The following NCALD variants were observed in gnomAD, a reference collection of about 807,000 sequenced individuals.
The protein encoded by NCALD is neurocalcin delta.
NCALD carries 10 observed loss-of-function variants against 18.6 expected under a neutral mutation model. That is an observed-to-expected ratio of 0.54 (90% CI 0.33 to 0.91). The LOEUF is 0.91. NCALD is among the 40% of genes least tolerant of loss of function. NCALD has a pLI of 0.03. For synonymous variants in NCALD, 88 were observed against 87.4 expected (o/e 1.01, Z -0.04); for missense variants, 184 against 247.6 (o/e 0.74, Z 1.72).
chr8:101,793,450 G>C (rs1812523681), upstream of NCALD, among the ~76,000 whole-genome samples: 1 of 151,972 alleles, frequency 6.6e-6, no homozygotes, highest in Non-Finnish European at 1.5e-5. Context: ...AAACTGAAGA[G>C]AGAGATTAAG....
intron 2 of NCALD, among the ~76,000 whole-genome samples, chr8:101,927,387 T>G (rs564210364): frequency 6.6e-6 from 1 of 152,260 alleles, no homozygotes; most frequent in Non-Finnish European, 1.5e-5. Context: ...CCTGCACTGT[T>G]GTCAGGGAGC....
intron 2 of NCALD, among the ~76,000 whole-genome samples, chr8:101,700,019 GCTCT>G (rs755955856): frequency 6.6e-4 from 100 of 151,250 alleles, no homozygotes; most frequent in Non-Finnish European, 5.9e-4. Flanking sequence ...AGACTGATAT[GCTCT>G]CTATTTTTAT....
intron 2 of NCALD, among the ~76,000 whole-genome samples, chr8:101,978,501 A>C (rs182124560): frequency 9.2e-5 from 14 of 152,368 alleles, no homozygotes; most frequent in African/African-American, 3.4e-4. Context: ...TGAAGCACTA[A>C]GAAAGTAAGT....
intron 2 of NCALD, among the ~76,000 whole-genome samples, chr8:102,001,705 G>C (rs1339175795): frequency 1.3e-5 from 2 of 152,212 alleles, no homozygotes; most frequent in African/African-American, 4.8e-5. Flanking sequence ...AGCCAGAAGA[G>C]AGTGGGGGTC....
chr8:101,711,542 C>A (rs1815792611), intron 2 of NCALD, among the ~76,000 whole-genome samples: 1 of 151,840 alleles, frequency 6.6e-6, no homozygotes, highest in East Asian at 1.9e-4. Context: ...AGAGGAGTTG[C>A]TAACTAGAAT....
intron 1 of NCALD, among the ~76,000 whole-genome samples, chr8:101,749,708 C>G (rs1810572853): frequency 1.3e-5 from 2 of 152,188 alleles, no homozygotes; most frequent in Non-Finnish European, 1.5e-5. Context: ...ATTCAGGTCA[C>G]TTTTCAAGAG....
chr8:102,097,912 A>G (rs1322379530), intron 1 of NCALD, among the ~76,000 whole-genome samples: 1 of 152,174 alleles, frequency 6.6e-6, no homozygotes, highest in Non-Finnish European at 1.5e-5. Context: ...ACAAATCACA[A>G]CGCAATGCAA....
chr8:101,798,697 G>A (rs2131061907), intron 4 of NCALD, among the ~76,000 whole-genome samples: 1 of 152,246 alleles, frequency 6.6e-6, no homozygotes, highest in South Asian at 2.1e-4. Flanking sequence ...ATAAATAGCT[G>A]AAATAACTTT....
At chr8:101,991,900 A>T (rs1457707131) in intron 2 of NCALD, among the ~76,000 whole-genome samples, 1 of 152,208 alleles carries the variant, frequency 6.6e-6, no homozygotes, top group Non-Finnish European at 1.5e-5. Context: ...AAAATCCCTC[A>T]GAAAGGTGTC....
intron 2 of NCALD, among the ~76,000 whole-genome samples, chr8:101,985,834 G>A (rs1298010144): frequency 6.6e-6 from 1 of 152,018 alleles, no homozygotes; most frequent in Non-Finnish European, 1.5e-5. Context: ...TTTAAAATAC[G>A]CATTTAATAA....
chr8:101,711,761 C>T (rs368413965), intron 2 of NCALD, among the ~76,000 whole-genome samples: 31 of 151,810 alleles, frequency 2.0e-4, no homozygotes, highest in Admixed American at 1.6e-3. Context: ...CCAAGAAATA[C>T]GGGACTATGT....
rs527253462 is a variant in NCALD at position 101,945,989 on chromosome 8, A to T, written c.-156-30131T>A. ...TCTATGATTGTCTCCTCACCATATT[A>T]TCGCTTCCCTAGGAGTACAAGCATC... On this transcript the variant is annotated intron_variant, in intron 2 of 6. Transcript: ENST00000311028. Among the ~76,000 whole-genome samples, 5 of 152,288 alleles carry T rather than the reference A, an allele frequency of 3.3e-5. No individual in the cohort carries two copies. In the South Asian group the frequency reaches 1.0e-3, roughly 32 times the overall value.
intron 1 of NCALD, among the ~76,000 whole-genome samples, chr8:102,117,397 A>C (rs1825820975): frequency 6.6e-6 from 1 of 152,154 alleles, no homozygotes; most frequent in South Asian, 2.1e-4. Context: ...AAAGAATATA[A>C]AAGTCCCACA....
intron 1 of NCALD, among the ~76,000 whole-genome samples, chr8:101,722,045 G>A (rs1272311568): frequency 2.0e-5 from 3 of 152,026 alleles, no homozygotes; most frequent in African/African-American, 7.2e-5. Flanking sequence ...GTCTCACTTT[G>A]TTGCCTAGCC....
intron 1 of NCALD, among the ~76,000 whole-genome samples, chr8:102,082,226 C>CTTTTTTTTTTTTTTTTTTTTTTTT (rs757875219): frequency 2.8e-5 from 2 of 71,834 alleles, no homozygotes; most frequent in African/African-American, 1.4e-4. Flanking sequence ...GAAGCTCTCT[C>CTTTTTTTTTTTTTTTTTTTTTTTT]TTTTTTTTTT....
At chr8:101,989,773 T>C (rs1820971090) in intron 2 of NCALD, among the ~76,000 whole-genome samples, 1 of 152,206 alleles carries the variant, frequency 6.6e-6, no homozygotes, top group African/African-American at 2.4e-5. Context: ...ATTAGAGCTG[T>C]GGTATCTGTA....
chr8:101,783,790 A>AC, intron 1 of NCALD, among the ~76,000 whole-genome samples: 1 of 152,352 alleles, frequency 6.6e-6, no homozygotes, highest in African/African-American at 2.4e-5. Context: ...CTTTTCCTAG[A>AC]ACCAGCAACA....
intron 2 of NCALD, among the ~76,000 whole-genome samples, chr8:101,982,884 T>C (rs1820675403): frequency 6.6e-6 from 1 of 151,932 alleles, no homozygotes; most frequent in African/African-American, 2.4e-5. Flanking sequence ...ATGTAACATA[T>C]GTTCTGTGAC....
At chr8:101,819,679 T>C (rs1431398526) in intron 4 of NCALD, among the ~76,000 whole-genome samples, 3 of 152,240 alleles carry the variant, frequency 2.0e-5, no homozygotes, top group Non-Finnish European at 2.9e-5. Flanking sequence ...TATATCTGTA[T>C]ATATTATTTA....
Sources: gnomAD v4.1 joint callset for allele counts (sites outside exome capture counted in the v4.1 genomes callset) on GRCh38, gnomAD v4.1.1 for gene constraint, MANE v1.5 for transcripts, NCBI Gene and HGNC (gene_info 2026-07-23, HGNC 2026-07-21) for gene names.